Variants in MVK observed in about 807,000 individuals in gnomAD.
The protein encoded by MVK is mevalonate kinase, also known as LH receptor mRNA-binding protein.
Under a neutral mutation model 43.2 loss-of-function variants are expected in MVK, and 34 were observed. The observed-to-expected ratio is 0.79, with a 90% CI of 0.60 to 1.05. The LOEUF is 1.05. MVK is among the 50% of genes least tolerant of loss of function. The pLI is 0.00. For missense variants in MVK, 395 were observed against 504.0 expected, an observed-to-expected ratio of 0.78 and a Z score of 2.07; for synonymous variants, 190 against 219.8, an observed-to-expected ratio of 0.86 and a Z score of 1.20.
In MVK at chr12:109,573,851, CG is replaced by C; in HGVS notation, c.-33del. 4.9e-6 allele frequency: 1 copy of C among 205,548 alleles called. No homozygotes were observed. Among genetic ancestry groups the C allele is most frequent in the Non-Finnish European group, 9.6e-6 (1 of 104,280 alleles). The allele number at this position is 205,548 out of a possible 1,614,324, so 12.7% of individuals were successfully genotyped here. ...GGCTTCGGCGCGGAGGGGCGGCGGC[CG>C]GGGAGGCGGCGGCGGCGGCAGGTGA... On this transcript the variant is annotated 5_prime_UTR_variant, in exon 1 of 11. Coordinates refer to ENST00000228510, the MANE Select transcript of MVK (RefSeq NM_000431.4).
rs1374536162 is a variant in MVK, at chr12:109,586,012, G to C, written c.528-10G>C. The C allele has an allele frequency of 6.2e-7, 1 of 1,609,536 alleles. No individual in the cohort carries two copies. The highest frequency in any genetic ancestry group is 1.7e-5 in the Admixed American group (1 of 60,022). ...ACTGCCACAGTAAAGATGAACATCT[G>C]TGTCTTCAGGTGGACCAAGGAGGAT... On this transcript the variant is annotated splice_polypyrimidine_tract_variant and intron_variant, in intron 5 of 10. Transcript: ENST00000228510.
chr12:109,597,548 A>G lies in MVK; in HGVS notation c.*971A>G. 1 of 152,248 alleles carries G rather than the reference A, an allele frequency of 6.6e-6. No individual in the cohort carries two copies. Among genetic ancestry groups the G allele is most frequent in the Non-Finnish European group, 1.5e-5 (1 of 68,080 alleles). 9.4% of individuals were successfully genotyped at this position (152,248 alleles called of 1,614,324 possible). A position where few individuals can be genotyped will look rare whatever the true frequency, so the allele number is the denominator to read the frequency against. On this transcript the variant is annotated 3_prime_UTR_variant, in exon 11 of 11. Transcript: ENST00000228510. ...AGAGCACAGACCTGTGTAAGACAGG[A>G]AAGCAGAACCTGCCATCGCTCCTGG...
At chr12:109,579,679 C>A in intron 3 of MVK, 123 bp from the exon 4 acceptor site, 1 of 1,348,502 alleles carries the variant, frequency 7.4e-7, no homozygotes, top group Non-Finnish European at 1.0e-6. Flanking sequence ...GGGGTTCAGA[C>A]CATAAATTCG....
In MVK at chr12:109,581,547, A is replaced by G. The variant is rs138818135; in HGVS notation, c.524A>G (p.Asn175Ser). 2.5e-5 allele frequency: 41 copies of G among 1,614,204 alleles called. No homozygotes were observed. The African/African-American group carries it at 4.7e-4, about 18-fold the overall frequency. Residue 175 changes from asparagine to serine, a missense_variant, in exon 5 of 11, where the codon AAC becomes AGC. Transcript: ENST00000228510. ...PNPLKDGDCV[N>S]RWTKEDLELI... ...CCGCTGAAGGACGGGGATTGCGTCA[A>G]CAGGTAACCATGGTCCTTACCTGGC...
intron 2 of MVK, 111 bp from the exon 3 acceptor site, chr12:109,575,887 G>T (rs1473706609): frequency 1.6e-6 from 2 of 1,286,522 alleles, no homozygotes; most frequent in Non-Finnish European, 2.2e-6. Context: ...TCTGGCAAGG[G>T]CATGGCTAGG....
At chr12:109,585,106 G>A (rs574419296) in intron 5 of MVK, among the ~76,000 whole-genome samples, 1 of 152,324 alleles carries the variant, frequency 6.6e-6, no homozygotes, top group South Asian at 2.1e-4. Flanking sequence ...AACTGTTTGT[G>A]AGCCCACACC....
At chr12:109,576,606 C>T (rs1400673219) in intron 3 of MVK, among the ~76,000 whole-genome samples, 1 of 152,136 alleles carries the variant, frequency 6.6e-6, no homozygotes, top group South Asian at 2.1e-4. Context: ...CACAGTGGCT[C>T]ATGCCTGTAA....
rs181338371 is a variant in MVK, at chr12:109,590,930, G to A, written c.768+69G>A. 3 of 1,521,614 alleles carry A rather than the reference G, an allele frequency of 2.0e-6. No homozygotes were observed. The East Asian group carries it at 6.9e-5, about 35-fold the overall frequency. The allele number at this position is 1,521,614 out of a possible 1,614,324, so 94.3% of individuals were successfully genotyped here. On this transcript the variant is annotated intron_variant, in intron 8 of 10. Transcript: ENST00000228510. ...ACACAATTACATCTGGATTTTCGAG[G>A]TCTCCCTCTGGCTGATGGGTTATAG...
chr12:109,574,740 T>G, intron 1 of MVK, 69 bp from the exon 2 acceptor site: 3 of 1,314,610 alleles, frequency 2.3e-6, no homozygotes, highest in Admixed American at 2.0e-5. Context: ...AACTAGGTGT[T>G]CTAAGATCTC....
rs2136236945 is a variant in MVK, at chr12:109,586,097, C to CG, written c.605dup (p.Val203SerfsTer74). 6.2e-7 allele frequency: 1 copy of CG among 1,614,164 alleles called. No individual in the cohort carries two copies. The highest frequency in any genetic ancestry group is 1.7e-5 in the Admixed American group (1 of 60,020). On this transcript the variant is annotated frameshift_variant, in exon 6 of 11. Coordinates refer to ENST00000228510, the MANE Select transcript of MVK (RefSeq NM_000431.4). LOFTEE classifies it high-confidence loss of function. ...AGAGAATGATTCACGGGAACCCCTC[C>CG]GGAGTGGACAATGCTGTCAGCACCT...
chr12:109,585,682 T>C (rs1298587273), intron 5 of MVK, among the ~76,000 whole-genome samples: 1 of 152,028 alleles, frequency 6.6e-6, no homozygotes, highest in Non-Finnish European at 1.5e-5. Context: ...GGCAGGAGAA[T>C]TGCTTGAACC....
Position 109,590,796 on chromosome 12 carries a change from A to G in MVK, c.703A>G (p.Thr235Ala). 1 of 1,614,154 alleles carries G rather than the reference A, an allele frequency of 6.2e-7. No individual in the cohort carries two copies. ...KRSPALQILL[T>A]NTKVPRNTRA... ...GTCGCCAGCTCTCCAGATCCTGCTG[A>G]CCAACACCAAAGTCCCTCGCAATAC... The change falls in exon 8 of 11, where the codon ACC becomes GCC. Residue 235 changes from threonine (T) to alanine (A), a missense_variant. By Grantham distance (58) the Thr-to-Ala change is moderately conservative. Transcript: ENST00000228510.
intron 3 of MVK, chr12:109,579,158 G>A: frequency 4.5e-6 from 1 of 220,230 alleles, no homozygotes; most frequent in East Asian, 2.0e-4. Context: ...TTTTTTTTTT[G>A]AGACAGGGTC....
At chr12:109,591,698 G>A (rs1474802062) in intron 9 of MVK, among the ~76,000 whole-genome samples, 3 of 152,196 alleles carry the variant, frequency 2.0e-5, no homozygotes, top group Non-Finnish European at 2.9e-5. Flanking sequence ...GTGCTCTGTC[G>A]GTGCAGGGGT....
rs1285975144 is a variant in MVK at position 109,597,095 on chromosome 12, G to C, written c.*518G>C. The C allele has an allele frequency of 1.9e-5, 4 of 214,768 alleles. No individual in the cohort carries two copies. Among genetic ancestry groups the C allele is most frequent in the Admixed American group, 5.3e-5 (1 of 19,006 alleles). 13.3% of individuals were successfully genotyped at this position (214,768 alleles called of 1,614,324 possible). On this transcript the variant is annotated 3_prime_UTR_variant, in exon 11 of 11. Transcript: ENST00000228510. ...TGTCTGGGTGGCTCACTCAGCACTT[G>C]GTGTGGCCTTCCCTTCTACCTAGCG...
chr12:109,573,420 A>T (rs763383858), upstream of MVK: 30 of 1,608,612 alleles, frequency 1.9e-5, no homozygotes, highest in Middle Eastern at 1.7e-3. Flanking sequence ...GCGCCGAAGC[A>T]CCCGCGCAGG....
chr12:109,596,140 G>T (rs558029545), intron 10 of MVK, among the ~76,000 whole-genome samples: 2 of 152,244 alleles, frequency 1.3e-5, no homozygotes, highest in Non-Finnish European at 2.9e-5. Context: ...TGAGAGAGGG[G>T]AAGTCACTTG....
Position 109,597,849 on chromosome 12 carries a change from G to C in MVK, c.*1272G>C, listed in dbSNP as rs1885984280. 1 of 152,200 alleles carries C rather than the reference G, an allele frequency of 6.6e-6. No individual in the cohort carries two copies. The highest frequency in any genetic ancestry group is 6.5e-5 in the Admixed American group (1 of 15,280). The allele number at this position is 152,200 out of a possible 1,614,324, so 9.4% of individuals were successfully genotyped here. On this transcript the variant is annotated 3_prime_UTR_variant, in exon 11 of 11. Coordinates refer to ENST00000228510, the MANE Select transcript of MVK (RefSeq NM_000431.4). ...AGGGATTTCAGGATGAGGTGAAAGC[G>C]ATTCAGTGCGCGTCTGCCCTTGGCC...
intron 3 of MVK, among the ~76,000 whole-genome samples, chr12:109,578,856 C>G (rs1020076584): frequency 2.0e-4 from 30 of 152,352 alleles, no homozygotes; most frequent in African/African-American, 7.2e-4. Flanking sequence ...GCCAGAAAGG[C>G]TCTGCCTTCT....
Sources: gnomAD v4.1 joint callset for allele counts (sites outside exome capture counted in the v4.1 genomes callset) on GRCh38, gnomAD v4.1.1 for gene constraint, MANE v1.5 for transcripts, NCBI Gene and HGNC (gene_info 2026-07-23, HGNC 2026-07-21) for gene names.